Variants in UBE3D observed in about 807,000 individuals in gnomAD.
The protein encoded by UBE3D is ubiquitin protein ligase E3D, also known as E3 ubiquitin-protein ligase E3D.
In UBE3D, 48 loss-of-function variants were observed where a neutral mutation model predicts 49.6. The observed-to-expected ratio is 0.97, with a 90% confidence interval of 0.77 to 1.23. UBE3D has a LOEUF of 1.23. Among genes scored for constraint, UBE3D ranks in the 50% most tolerant of loss-of-function variants. UBE3D has a pLI of 0.00. For missense variants in UBE3D, 452 were observed against 468.4 expected, an observed-to-expected ratio of 0.96 and a Z score of 0.32; for synonymous variants, 189 against 174.2, an observed-to-expected ratio of 1.08 and a Z score of -0.67.
chr6:83,052,034 GA>G (rs1445506812), intron 3 of UBE3D, among the ~76,000 whole-genome samples: 1 of 152,224 alleles, frequency 6.6e-6, no homozygotes, highest in African/African-American at 2.4e-5. Context: ...TGATGATGAT[GA>G]TAAGAACAGT....
intron 9 of UBE3D, among the ~76,000 whole-genome samples, chr6:82,905,104 T>C (rs1291906046): frequency 3.3e-5 from 5 of 152,178 alleles, no homozygotes; most frequent in African/African-American, 1.2e-4. Context: ...GGACCTTTAA[T>C]ATATGAAACT....
intron 8 of UBE3D, among the ~76,000 whole-genome samples, chr6:82,986,029 TG>T (rs1778465765): frequency 6.6e-6 from 1 of 152,178 alleles, no homozygotes; most frequent in Non-Finnish European, 1.5e-5. Flanking sequence ...ATAATCAACT[TG>T]TCTAGCTGAA....
At chr6:83,030,157 C>A (rs367939282) in intron 5 of UBE3D, among the ~76,000 whole-genome samples, 1 of 152,106 alleles carries the variant, frequency 6.6e-6, no homozygotes, top group Non-Finnish European at 1.5e-5. Flanking sequence ...ACCCTTTGTG[C>A]AGCAGGTGGT....
intron 8 of UBE3D, among the ~76,000 whole-genome samples, chr6:82,979,679 T>C (rs1777975192): frequency 6.6e-6 from 1 of 152,188 alleles, no homozygotes; most frequent in Admixed American, 6.5e-5. Context: ...TGGTGAAGTC[T>C]AGGTTTTTAG....
Position 83,065,693 on chromosome 6 carries a change from C to T in UBE3D, c.26G>A (p.Arg9His), listed in dbSNP as rs970412886. The change falls in exon 1 of 10, where the codon CGC (arginine) becomes CAC (histidine). Residue 9 changes from arginine (R) to histidine (H), a missense_variant. Coordinates refer to ENST00000369747, the MANE Select transcript of UBE3D (RefSeq NM_198920.3). ...CTGTCCCCGCACCTCCAGAAACACG[C>T]GCGTCTCCGCCGCAGAAGCCGCCAT... is the stretch of plus-strand genomic sequence containing the variant. MAASAAET[R>H]VFLEVRGQLQ... 11 of 1,612,026 alleles carry T rather than the reference C, an allele frequency of 6.8e-6. No individual in the cohort carries two copies. The highest frequency in any genetic ancestry group is 9.3e-6 in the Non-Finnish European group (11 of 1,179,322).
intron 8 of UBE3D, among the ~76,000 whole-genome samples, chr6:82,968,842 A>C (rs1777135989): frequency 6.6e-6 from 1 of 152,280 alleles, no homozygotes; most frequent in East Asian, 1.9e-4. Flanking sequence ...CTTTCTGTGA[A>C]TTACATTTTA....
At chr6:82,966,580 G>A (rs1776947057) in intron 8 of UBE3D, among the ~76,000 whole-genome samples, 1 of 72,492 alleles carries the variant, frequency 1.4e-5, no homozygotes, top group Non-Finnish European at 2.8e-5. Flanking sequence ...AACCCGGGAG[G>A]CGGAGCTTGC....
intron 9 of UBE3D, chr6:82,932,520 G>A (rs897850189): frequency 6.6e-6 from 1 of 151,978 alleles, no homozygotes; most frequent in African/African-American, 2.4e-5. Flanking sequence ...TAATCTTTCT[G>A]GTGGCGATTC....
chr6:83,004,052 G>T (rs1779805970), intron 8 of UBE3D, among the ~76,000 whole-genome samples: 1 of 152,092 alleles, frequency 6.6e-6, no homozygotes, highest in Non-Finnish European at 1.5e-5. Flanking sequence ...TTGTTCTAAG[G>T]AGCTAAGGCA....
chr6:82,922,215 T>C (rs1773399047), intron 9 of UBE3D, among the ~76,000 whole-genome samples: 1 of 152,100 alleles, frequency 6.6e-6, no homozygotes, highest in African/African-American at 2.4e-5. Flanking sequence ...CCAGAATAAA[T>C]AGAAAGCCTG....
intron 9 of UBE3D, among the ~76,000 whole-genome samples, chr6:82,937,751 G>A (rs995381141): frequency 6.6e-6 from 1 of 152,194 alleles, no homozygotes; most frequent in Non-Finnish European, 1.5e-5. Flanking sequence ...GAAGGAAGAC[G>A]AAAGGGGGGA....
intron 8 of UBE3D, among the ~76,000 whole-genome samples, chr6:82,980,162 T>C (rs1778015916): frequency 2.0e-5 from 3 of 152,112 alleles, no homozygotes; most frequent in Non-Finnish European, 2.9e-5. Context: ...GAATTCTCCA[T>C]ATTGTTTTCC....
intron 9 of UBE3D, among the ~76,000 whole-genome samples, chr6:82,938,036 T>C (rs758286284): frequency 3.3e-5 from 5 of 152,114 alleles, no homozygotes; most frequent in Admixed American, 2.6e-4. Flanking sequence ...ACTTTATCTA[T>C]ATTTTTCCTC....
chr6:83,055,029 TA>T (rs1398925025), intron 2 of UBE3D, among the ~76,000 whole-genome samples: 1 of 152,208 alleles, frequency 6.6e-6, no homozygotes, highest in African/African-American at 2.4e-5. Flanking sequence ...GATCTCAAAC[TA>T]ATGTTTATTG....
At chr6:82,963,190 CTT>C (rs5877828) in intron 8 of UBE3D, among the ~76,000 whole-genome samples, 41 of 123,042 alleles carry the variant, frequency 3.3e-4, no homozygotes, top group Non-Finnish European at 3.3e-4. Context: ...AAGTTTTCAT[CTT>C]TTTTTTTTTT....
At chr6:82,932,686 T>C (rs1774253534) in intron 9 of UBE3D, 1 of 152,196 alleles carries the variant, frequency 6.6e-6, no homozygotes. Context: ...TCCCTATTTA[T>C]CCACAGCTAT....
chr6:82,967,459 ACC>A (rs1777028543), intron 8 of UBE3D, among the ~76,000 whole-genome samples: 1 of 151,094 alleles, frequency 6.6e-6, no homozygotes, highest in South Asian at 2.1e-4. Flanking sequence ...AGGCACAACC[ACC>A]TCCCTTCCCC....
chr6:82,963,443 T>A (rs1776695582), intron 8 of UBE3D, among the ~76,000 whole-genome samples: 1 of 152,128 alleles, frequency 6.6e-6, no homozygotes, highest in Non-Finnish European at 1.5e-5. Flanking sequence ...GGAAGTTTAT[T>A]AAGGAGTGTT....
downstream of UBE3D, among the ~76,000 whole-genome samples, chr6:82,890,392 G>A (rs965723714): frequency 6.6e-6 from 1 of 152,116 alleles, no homozygotes; most frequent in Non-Finnish European, 1.5e-5. Flanking sequence ...GTGACTAGAT[G>A]TAAATAACTC....
Sources: allele counts gnomAD v4.1 joint callset (sites outside exome capture counted in the v4.1 genomes callset), GRCh38; gene constraint gnomAD v4.1.1; transcripts MANE v1.5; gene names NCBI Gene and HGNC (gene_info 2026-07-23, HGNC 2026-07-21).